Variants in CNBD1 observed in about 807,000 individuals in gnomAD.
CNBD1 encodes the protein cyclic nucleotide-binding domain-containing protein 1.
In CNBD1, 71 loss-of-function variants were observed where a neutral mutation model predicts 54.4. The ratio of observed to expected loss-of-function variants is 1.30; its 90% CI spans 1.08 to 1.59. The LOEUF (loss-of-function observed/expected upper bound fraction) is 1.59. CNBD1 is among the 40% of genes most tolerant of loss of function. The pLI, the probability that CNBD1 is intolerant of heterozygous loss-of-function variation, is 0.00. For missense variants in CNBD1, 659 were observed against 518.0 expected (o/e 1.27, Z -2.64); for synonymous variants, 182 against 170.7 (o/e 1.07, Z -0.51).
intron 4 of CNBD1, among the ~76,000 whole-genome samples, chr8:87,048,590 G>A (rs533942753): frequency 3.3e-5 from 5 of 152,130 alleles, no homozygotes. Flanking sequence ...CACTTTGGAG[G>A]TACTTCAGGA....
At chr8:87,150,705 T>C (rs1812585708) in intron 4 of CNBD1, among the ~76,000 whole-genome samples, 1 of 152,124 alleles carries the variant, frequency 6.6e-6, no homozygotes, top group African/African-American at 2.4e-5. Flanking sequence ...CAGAATGTTG[T>C]GGGGAGGTTG....
chr8:87,051,735 G>A (rs1489881319), intron 4 of CNBD1, among the ~76,000 whole-genome samples: 3 of 152,152 alleles, frequency 2.0e-5, no homozygotes, highest in East Asian at 3.9e-4. Context: ...ACCCTGGGTG[G>A]ACCAGGTGTT....
intron 8 of CNBD1, among the ~76,000 whole-genome samples, chr8:87,349,736 G>A (rs577920285): frequency 6.6e-6 from 1 of 152,256 alleles, no homozygotes; most frequent in South Asian, 2.1e-4. Flanking sequence ...GGAGGGTTTT[G>A]CTGTATTGTC....
chr8:87,117,281 C>A lies in CNBD1; in HGVS notation c.432-88712C>A, dbSNP rs145733891. On this transcript the variant is annotated intron_variant, in intron 4 of 10. Coordinates refer to ENST00000518476, the MANE Select transcript of CNBD1 (RefSeq NM_173538.3). ...GGATGTGGTAGCAGGTGCCTATAAT[C>A]CCAGCTACTCAGGAGGCTGAGGGAC... Among the ~76,000 whole-genome samples, 1,163 of 151,922 alleles carry A rather than the reference C, an allele frequency of 7.7e-3. 19 individuals carry two copies. The highest frequency in any genetic ancestry group is 0.027 in the African/African-American group (1,101 of 41,410).
At chr8:87,170,332 T>C (rs1358300074) in intron 4 of CNBD1, among the ~76,000 whole-genome samples, 1 of 152,150 alleles carries the variant, frequency 6.6e-6, no homozygotes, top group Non-Finnish European at 1.5e-5. Flanking sequence ...AGATTATATA[T>C]ATTCCAAATA....
At chr8:87,134,022 A>T (rs1445073153) in intron 4 of CNBD1, among the ~76,000 whole-genome samples, 1 of 152,190 alleles carries the variant, frequency 6.6e-6, no homozygotes, top group African/African-American at 2.4e-5. Flanking sequence ...TGGCTTAGGA[A>T]TACCAAACAT....
intron 8 of CNBD1, among the ~76,000 whole-genome samples, chr8:87,323,744 G>T (rs1194922282): frequency 2.3e-5 from 3 of 130,386 alleles, no homozygotes; most frequent in African/African-American, 8.5e-5. Flanking sequence ...CATGTCATCT[G>T]CAAACAGGGA....
intron 4 of CNBD1, among the ~76,000 whole-genome samples, chr8:87,162,751 AG>A (rs1812883601): frequency 6.6e-6 from 1 of 152,086 alleles, no homozygotes; most frequent in Non-Finnish European, 1.5e-5. Context: ...TCTGGACAAA[AG>A]GAATGCTGTC....
chr8:86,911,186 G>T (rs965636256), intron 3 of CNBD1, among the ~76,000 whole-genome samples: 9 of 152,136 alleles, frequency 5.9e-5, no homozygotes, highest in African/African-American at 2.2e-4. Flanking sequence ...ACAGCTGTTG[G>T]CATTCACCCA....
intron 2 of CNBD1, among the ~76,000 whole-genome samples, chr8:86,891,581 T>C (rs1362694740): frequency 1.3e-5 from 2 of 152,094 alleles, no homozygotes; most frequent in Non-Finnish European, 2.9e-5. Context: ...TCTTTAGTAG[T>C]TCCATGCAAA....
chr8:87,278,709 A>T (rs1273168519), intron 6 of CNBD1, among the ~76,000 whole-genome samples: 2 of 151,560 alleles, frequency 1.3e-5, no homozygotes, highest in African/African-American at 4.8e-5. Flanking sequence ...AAGTACAGAA[A>T]AGTAGAAAGA....
chr8:86,970,755 G>C (rs900109876), intron 4 of CNBD1, among the ~76,000 whole-genome samples: 1 of 152,118 alleles, frequency 6.6e-6, no homozygotes, highest in Non-Finnish European at 1.5e-5. Context: ...ATGACCTCCA[G>C]CTGCATCCAT....
At chr8:87,373,728 A>T (rs1810867488) in intron 10 of CNBD1, among the ~76,000 whole-genome samples, 1 of 151,826 alleles carries the variant, frequency 6.6e-6, no homozygotes, top group African/African-American at 2.4e-5. Flanking sequence ...AATATTAGTC[A>T]GATATCAAGT....
At chr8:87,152,575 A>G (rs1812627749) in intron 4 of CNBD1, among the ~76,000 whole-genome samples, 1 of 152,042 alleles carries the variant, frequency 6.6e-6, no homozygotes, top group Non-Finnish European at 1.5e-5. Flanking sequence ...CTGGTATCGA[A>G]CCAACCTTAT....
rs547711031 is a variant in CNBD1 at position 87,226,896 on chromosome 8, A to G, written c.578-10023A>G. 1.8e-3 allele frequency among the ~76,000 whole-genome samples: 273 copies of G among 151,432 alleles called. 1 individual carries two copies. The highest frequency in any genetic ancestry group is 1.5e-3 in the Non-Finnish European group (103 of 68,030). Reference sequence around the variant, plus strand: ...ATCTGAGTCTCTTTGTAGGTCACTCAGAACTTGCTTTATGAATCTGGGTGC... The same window carrying G: ...ATCTGAGTCTCTTTGTAGGTCACTCGGAACTTGCTTTATGAATCTGGGTGC... On this transcript the variant is annotated intron_variant, in intron 5 of 10. Coordinates refer to ENST00000518476, the MANE Select transcript of CNBD1 (RefSeq NM_173538.3).
chr8:87,092,556 T>C (rs199899867), intron 4 of CNBD1, among the ~76,000 whole-genome samples: 3,547 of 54,022 alleles, frequency 0.066, 168 homozygotes, highest in African/African-American at 0.2. Context: ...TATATATATA[T>C]ACACATATGT....
Position 87,333,210 on chromosome 8 carries a change from G to A in CNBD1, c.1043-18475G>A, listed in dbSNP as rs1052817073. 3.3e-5 allele frequency among the ~76,000 whole-genome samples: 5 copies of A among 152,100 alleles called. No individual in the cohort carries two copies. The East Asian group carries it at 9.6e-4, about 29-fold the overall frequency. ...ATGTATAGGAATGCTTGTCATTTTT[G>A]CACATTGATTTTGTATCCTGAGACT... On this transcript the variant is annotated intron_variant, in intron 8 of 10. Transcript: ENST00000518476.
At chr8:87,102,591 G>C (rs544310134) in intron 4 of CNBD1, among the ~76,000 whole-genome samples, 1 of 151,998 alleles carries the variant, frequency 6.6e-6, no homozygotes, top group Non-Finnish European at 1.5e-5. Flanking sequence ...CATTTGGAAT[G>C]TGGAGGCAGC....
chr8:87,199,288 G>C (rs1157656131), intron 4 of CNBD1, among the ~76,000 whole-genome samples: 2 of 152,176 alleles, frequency 1.3e-5, no homozygotes, highest in African/African-American at 2.4e-5. Flanking sequence ...TGAAAAGTAA[G>C]TAACTAAAAT....
Sources: allele counts gnomAD v4.1 joint callset (sites outside exome capture counted in the v4.1 genomes callset), GRCh38; gene constraint gnomAD v4.1.1; transcripts MANE v1.5; gene names NCBI Gene and HGNC (gene_info 2026-07-23, HGNC 2026-07-21).